The following RUNX1 variants were observed in gnomAD, a reference collection of about 807,000 sequenced individuals.
RUNX1 encodes RUNX family transcription factor 1.
In RUNX1, 19 loss-of-function variants were observed where a neutral mutation model predicts 42.8. That is an observed-to-expected ratio of 0.44 (90% CI 0.31 to 0.65). The LOEUF (loss-of-function observed/expected upper bound fraction) is 0.65, where lower values mean the gene tolerates loss of function less well. Ranked by LOEUF, RUNX1 falls within the 30% of genes least tolerant of loss-of-function variation. RUNX1 has a pLI of 0.07. For synonymous variants in RUNX1, 271 were observed against 289.4 expected (o/e 0.94, Z 0.64); for missense variants, 528 against 672.0 (o/e 0.79, Z 2.37).
At chr21:35,043,671 G>T (rs943413971) in intron 2 of RUNX1, among the ~76,000 whole-genome samples, 1 of 152,142 alleles carries the variant, frequency 6.6e-6, no homozygotes, top group Admixed American at 6.5e-5. Flanking sequence ...AGCCCATTTT[G>T]CAGAACTCAA....
chr21:34,914,285 A>G (rs781009460), intron 2 of RUNX1, among the ~76,000 whole-genome samples: 4 of 152,222 alleles, frequency 2.6e-5, no homozygotes, highest in Admixed American at 1.3e-4. Context: ...CAATGCAGAC[A>G]CTATTAATGG....
chr21:34,956,496 C>T (rs1190628205), intron 2 of RUNX1, among the ~76,000 whole-genome samples: 2 of 152,136 alleles, frequency 1.3e-5, no homozygotes, highest in Admixed American at 1.3e-4. Flanking sequence ...GTCTGCAGCT[C>T]CATAGAGATA....
intron 2 of RUNX1, among the ~76,000 whole-genome samples, chr21:35,031,868 C>T (rs545257959): frequency 9.9e-5 from 15 of 152,264 alleles, no homozygotes; most frequent in African/African-American, 3.4e-4. Context: ...TGTTATCTGT[C>T]TATGGAAATA....
chr21:35,033,120 G>C (rs1195879445), intron 2 of RUNX1, among the ~76,000 whole-genome samples: 2 of 131,780 alleles, frequency 1.5e-5, no homozygotes, highest in African/African-American at 2.9e-5. Flanking sequence ...TCCATCTGCT[G>C]GCTCATTCAT....
chr21:35,003,217 G>A (rs908013927), intron 2 of RUNX1, among the ~76,000 whole-genome samples: 5 of 152,156 alleles, frequency 3.3e-5, no homozygotes, highest in African/African-American at 1.2e-4. Flanking sequence ...ATCTTAATCT[G>A]TAATGGCAAA....
intron 5 of RUNX1, among the ~76,000 whole-genome samples, chr21:34,864,146 T>C (rs2268289): frequency 0.32 from 48,173 of 152,180 alleles, 8,796 homozygotes; most frequent in African/African-American, 0.51. Context: ...CTGCCCTCTC[T>C]GTGGCCCCAC....
chr21:34,981,397 C>T (rs2092729717), intron 2 of RUNX1, among the ~76,000 whole-genome samples: 2 of 152,158 alleles, frequency 1.3e-5, no homozygotes, highest in African/African-American at 4.8e-5. Context: ...TGTAATGGTA[C>T]TATTCAAGCT....
chr21:34,890,702 T>A (rs945301067), intron 3 of RUNX1, among the ~76,000 whole-genome samples: 2 of 152,150 alleles, frequency 1.3e-5, no homozygotes, highest in Non-Finnish European at 1.5e-5. Flanking sequence ...ATGATTTTTT[T>A]AAGCCTAATT....
At chr21:35,026,086 G>A (rs1422509830) in intron 2 of RUNX1, among the ~76,000 whole-genome samples, 1 of 152,136 alleles carries the variant, frequency 6.6e-6, no homozygotes, top group Non-Finnish European at 1.5e-5. Context: ...AACCCCAACA[G>A]GCATCATCTT....
At chr21:34,996,435 C>T (rs373494914) in intron 2 of RUNX1, among the ~76,000 whole-genome samples, 49 of 152,002 alleles carry the variant, frequency 3.2e-4, no homozygotes, top group African/African-American at 7.0e-4. Context: ...GCTGCAGGGA[C>T]GTCCTCCTGG....
At chr21:34,975,581 C>A (rs1264400879) in intron 2 of RUNX1, among the ~76,000 whole-genome samples, 1 of 152,122 alleles carries the variant, frequency 6.6e-6, no homozygotes, top group African/African-American at 2.4e-5. Flanking sequence ...AACCAATACC[C>A]CCATGGATAC....
chr21:34,959,047 T>C (rs1221981209), intron 2 of RUNX1, among the ~76,000 whole-genome samples: 1 of 150,466 alleles, frequency 6.6e-6, no homozygotes, highest in Non-Finnish European at 1.5e-5. Flanking sequence ...CTGGGGACTG[T>C]TGTGGGGTGG....
intron 2 of RUNX1, among the ~76,000 whole-genome samples, chr21:34,945,431 C>T (rs116075708): frequency 0.011 from 1,725 of 152,256 alleles, 36 homozygotes; most frequent in African/African-American, 0.038. Context: ...CCAACTCCTC[C>T]GCCACATACC....
intron 4 of RUNX1, 33 bp from the exon 5 acceptor site, chr21:34,880,746 C>A (rs377574925): frequency 2.5e-6 from 4 of 1,611,652 alleles, no homozygotes; most frequent in Non-Finnish European, 2.5e-6. Flanking sequence ...ATGCAGACAT[C>A]AGGGATGTTA....
chr21:34,967,576 T>C (rs886433662), intron 2 of RUNX1, among the ~76,000 whole-genome samples: 3 of 152,052 alleles, frequency 2.0e-5, no homozygotes, highest in Non-Finnish European at 2.9e-5. Context: ...AAAGGTCTAA[T>C]GTAGTGTTTT....
rs550816711 is a variant in RUNX1, at chr21:34,806,530, T to C, written c.806-7068A>G. Among the ~76,000 whole-genome samples the C allele has an allele frequency of 1.9e-4, 29 of 152,306 alleles. 1 individual carries two copies. In the South Asian group the frequency reaches 6.0e-3, roughly 32 times the overall value. Reference sequence around the variant, plus strand: ...ACGGAGAAATAGGTAAATACGCTATTACAATTGGAGACTTCAACAACCCTC... The same window carrying C: ...ACGGAGAAATAGGTAAATACGCTATCACAATTGGAGACTTCAACAACCCTC... On this transcript the variant is annotated intron_variant, in intron 7 of 8. Transcript: ENST00000675419.
At position 34,792,314 on chromosome 21, in the gene RUNX1, C is replaced by G. The variant is rs2056451816; in HGVS notation, c.1264G>C (p.Glu422Gln). Residue 422 changes from glutamate to glutamine, a missense_variant, in exon 9 of 9, where the codon GAG becomes CAG. Around this residue, in one of 3 missense-constraint regions of RUNX1, gnomAD observed 331 missense variants for 382.5 expected, o/e 0.87. Transcript: ENST00000675419. The surrounding 1 kb of genome is among the most constrained non-coding windows in gnomAD (Gnocchi z 6.9). ...GGCAGGATGCGCGGCGGCGAGCGCT[C>G]GCCGCCCACCATGGAGAACTGGTAG... is the stretch of plus-strand genomic sequence containing the variant. Reference protein sequence around the residue: ...GSYQFSMVGGERSPPRILPPC... With the variant: ...GSYQFSMVGGQRSPPRILPPC... 1.3e-6 allele frequency: 2 copies of G among 1,542,452 alleles called. No individual in the cohort carries two copies. Among genetic ancestry groups the G allele is most frequent in the Non-Finnish European group, 1.7e-6 (2 of 1,145,168 alleles).
intron 8 of RUNX1, among the ~76,000 whole-genome samples, chr21:34,793,509 G>C (rs940013741): frequency 6.6e-6 from 1 of 150,834 alleles, no homozygotes; most frequent in African/African-American, 2.5e-5. Flanking sequence ...TTTTTAAATG[G>C]TTGAAAAAAA....
At chr21:34,865,576 C>G (rs1316025839) in intron 5 of RUNX1, among the ~76,000 whole-genome samples, 1 of 152,182 alleles carries the variant, frequency 6.6e-6, no homozygotes, top group Non-Finnish European at 1.5e-5. Flanking sequence ...AGGGGTGAGT[C>G]TTCCTGGACA....
Sources: allele counts gnomAD v4.1 joint callset (sites outside exome capture counted in the v4.1 genomes callset), GRCh38; gene constraint gnomAD v4.1.1; regional missense constraint gnomAD v4.1.1; non-coding constraint Gnocchi (gnomAD v3.1); transcripts MANE v1.5; gene names NCBI Gene and HGNC (gene_info 2026-07-23, HGNC 2026-07-21).